Variants in RBM45 observed in about 807,000 individuals in gnomAD.
The protein encoded by RBM45 is RNA binding motif protein 45, also known as RNA-binding protein 45.
RBM45 carries 39 observed loss-of-function variants against 58.5 expected under a neutral mutation model. The observed-to-expected ratio is 0.67, with a 90% CI of 0.52 to 0.87. The LOEUF (loss-of-function observed/expected upper bound fraction) is 0.87. RBM45 is among the 40% of genes least tolerant of loss of function. The pLI is 0.00. For missense variants in RBM45, 481 were observed against 581.6 expected (o/e 0.83, Z 1.78); for synonymous variants, 193 against 203.0 (o/e 0.95, Z 0.42).
chr2:178,125,117 G>T (rs528090645), intron 8 of RBM45, among the ~76,000 whole-genome samples: 1 of 152,058 alleles, frequency 6.6e-6, no homozygotes, highest in African/African-American at 2.4e-5. Context: ...AGTATATTGA[G>T]GCTCAAAAGG....
chr2:178,128,022 T>A (rs890522711), intron 9 of RBM45, among the ~76,000 whole-genome samples: 46 of 144,084 alleles, frequency 3.2e-4, no homozygotes, highest in African/African-American at 1.1e-3. Flanking sequence ...TTTTTTTTTT[T>A]AAACACAGAA....
intron 1 of RBM45, among the ~76,000 whole-genome samples, chr2:178,113,158 A>G (rs911801281): frequency 1.3e-5 from 2 of 152,110 alleles, no homozygotes; most frequent in African/African-American, 4.8e-5. Context: ...CTAATCCACC[A>G]GCTCTTGAGT....
Position 178,118,544 on chromosome 2 carries a change from T to G in RBM45, c.550+363T>G, listed in dbSNP as rs139941239. Among the ~76,000 whole-genome samples the G allele has an allele frequency of 1.1e-3, 166 of 152,228 alleles. 1 individual carries two copies. The East Asian group carries it at 0.031, about 29-fold the overall frequency. On this transcript the variant is annotated intron_variant, in intron 3 of 9. Transcript: ENST00000286070. ...ATTCTTTATATTTGTTTATATTTGA[T>G]CTACATCCCAAAGACTATAAAGTAT...
Position 178,112,496 on chromosome 2 carries a change from G to A in RBM45, c.-51G>A. 6.5e-7 allele frequency: 1 copy of A among 1,528,772 alleles called. No homozygotes were observed. 94.7% of individuals were successfully genotyped at this position (1,528,772 alleles called of 1,614,324 possible). On this transcript the variant is annotated 5_prime_UTR_variant, in exon 1 of 10. Coordinates refer to ENST00000286070, the MANE Select transcript of RBM45 (RefSeq NM_152945.4). The stretch of plus-strand genomic sequence containing the variant: ...TGGGTGTGAGACAGCAGCGGTGGCA[G>A]ACACCGCAGAAGCAAAGAGCAGTGA...
Position 178,112,440 on chromosome 2 carries a change from C to T in RBM45, c.-107C>T. 8.8e-7 allele frequency: 1 copy of T among 1,133,456 alleles called. No individual in the cohort carries two copies. The highest frequency in any genetic ancestry group is 1.3e-6 in the Non-Finnish European group (1 of 789,960). The allele number at this position is 1,133,456 out of a possible 1,614,324, so 70.2% of individuals were successfully genotyped here. ...GCCTGGCGCCGGACTCCTCTTTCTC[C>T]CGGAAGCGGAGCACCGAGCCGGCAA... On this transcript the variant is annotated 5_prime_UTR_variant, in exon 1 of 10. Transcript: ENST00000286070.
downstream of RBM45, among the ~76,000 whole-genome samples, chr2:178,134,120 T>C (rs1487521786): frequency 6.6e-6 from 1 of 152,192 alleles, no homozygotes; most frequent in Non-Finnish European, 1.5e-5. Context: ...CTGTCATATA[T>C]GAATTGAAGA....
chr2:178,114,743 G>A (rs1035109184), intron 1 of RBM45, among the ~76,000 whole-genome samples: 1 of 151,966 alleles, frequency 6.6e-6, no homozygotes, highest in African/African-American at 2.4e-5. Flanking sequence ...CTACAGATGT[G>A]CACCACCATG....
intron 9 of RBM45, among the ~76,000 whole-genome samples, chr2:178,126,559 G>A (rs186641831): frequency 2.0e-5 from 3 of 152,238 alleles, no homozygotes; most frequent in Admixed American, 1.3e-4. Context: ...GGTGTCTTGA[G>A]TTATGAATTG....
intron 1 of RBM45, among the ~76,000 whole-genome samples, chr2:178,115,963 G>A (rs1209069622): frequency 6.6e-6 from 1 of 151,830 alleles, no homozygotes; most frequent in Non-Finnish European, 1.5e-5. Context: ...GACCATCCTG[G>A]ACAACATAGC....
Position 178,112,783 on chromosome 2 carries a change from C to T in RBM45, c.237C>T (p.Ala79=). The T allele has an allele frequency of 6.2e-7, 1 of 1,613,994 alleles. No individual in the cohort carries two copies. Among genetic ancestry groups the T allele is most frequent in the Non-Finnish European group, 8.5e-7 (1 of 1,180,022 alleles). The part of the protein sequence containing the change: ...AFVKFARSSQ[A]CRAMEEMHGQ... Reference sequence around the variant, plus strand: ...TCAAGTTCGCCCGCAGCTCACAGGCCTGCAGGGCCATGGAGGAGATGCATG... The same window carrying T: ...TCAAGTTCGCCCGCAGCTCACAGGCTTGCAGGGCCATGGAGGAGATGCATG... Residue 79 remains alanine (A), a synonymous_variant, in exon 1 of 10, where the codon GCC becomes GCT. Coordinates refer to ENST00000286070, the MANE Select transcript of RBM45 (RefSeq NM_152945.4).
At chr2:178,137,438 GTAT>G (rs2088053910) in exon 4 of RBM45, 1 of 152,136 alleles carries the variant, frequency 6.6e-6, no homozygotes, top group African/African-American at 2.4e-5. Flanking sequence ...AACATTCTTG[GTAT>G]TATTCATAGT....
Position 178,120,160 on chromosome 2 carries a change from A to T in RBM45, c.551-127A>T, listed in dbSNP as rs1049867717. The T allele has an allele frequency of 1.5e-5, 17 of 1,125,884 alleles. No individual in the cohort carries two copies. In the African/African-American group the frequency reaches 2.5e-4, roughly 17 times the overall value. 69.7% of individuals were successfully genotyped at this position (1,125,884 alleles called of 1,614,324 possible). On this transcript the variant is annotated intron_variant, in intron 3 of 9. Coordinates refer to ENST00000286070, the MANE Select transcript of RBM45 (RefSeq NM_152945.4). ...AAGCAAAGAAGTAGGTCTGGAGGAG[A>T]TGGCCATTGTATAGATTTTGCTTTG... is the stretch of plus-strand genomic sequence containing the variant.
At chr2:178,131,941 G>A (rs906271059), downstream of RBM45, among the ~76,000 whole-genome samples, 1 of 152,094 alleles carries the variant, frequency 6.6e-6, no homozygotes, top group African/African-American at 2.4e-5. Flanking sequence ...TCACCTTAAT[G>A]TTTACTTCTC....
intron 7 of RBM45, 83 bp downstream of exon 7, chr2:178,123,995 T>C: frequency 1.3e-6 from 2 of 1,500,840 alleles, no homozygotes; most frequent in South Asian, 1.2e-5. Flanking sequence ...TTGTTGATTA[T>C]CTGTGTATGA....
chr2:178,114,506 A>G (rs2087746305), intron 1 of RBM45, among the ~76,000 whole-genome samples: 1 of 152,108 alleles, frequency 6.6e-6, no homozygotes, highest in African/African-American at 2.4e-5. Flanking sequence ...AAACTTTACT[A>G]TTTTCTTTGT....
In RBM45 at chr2:178,118,035, A is replaced by G. The variant is rs1574409132; in HGVS notation, c.424-20A>G. Reference sequence around the variant, plus strand: ...AATTAATTTTAAGTCCCCTAAAATCATGTCTTTTAACTCTCTTAGGTGTAT... The same window carrying G: ...AATTAATTTTAAGTCCCCTAAAATCGTGTCTTTTAACTCTCTTAGGTGTAT... On this transcript the variant is annotated intron_variant, in intron 2 of 9. Coordinates refer to ENST00000286070, the MANE Select transcript of RBM45 (RefSeq NM_152945.4). The G allele has an allele frequency of 1.3e-6, 2 of 1,531,744 alleles. No individual in the cohort carries two copies. The highest frequency in any genetic ancestry group is 2.3e-5 in the East Asian group (1 of 44,128). The allele number at this position is 1,531,744 out of a possible 1,614,324, so 94.9% of individuals were successfully genotyped here. A position where few individuals can be genotyped will look rare whatever the true frequency, so the allele number is the denominator to read the frequency against.
At chr2:178,113,883 A>G (rs953156008) in intron 1 of RBM45, among the ~76,000 whole-genome samples, 5 of 152,212 alleles carry the variant, frequency 3.3e-5, no homozygotes, top group Non-Finnish European at 2.9e-5. Context: ...TGAGAATGGT[A>G]TTAATATGGA....
At position 178,112,479 on chromosome 2, in the gene RBM45, A is replaced by C; in HGVS notation, c.-68A>C. 7.0e-7 allele frequency: 1 copy of C among 1,436,990 alleles called. No homozygotes were observed. The highest frequency in any genetic ancestry group is 9.6e-7 in the Non-Finnish European group (1 of 1,041,088). 89.0% of individuals were successfully genotyped at this position (1,436,990 alleles called of 1,614,324 possible). A position where few individuals can be genotyped will look rare whatever the true frequency, so the allele number is the denominator to read the frequency against. On this transcript the variant is annotated 5_prime_UTR_variant, in exon 1 of 10. Transcript: ENST00000286070. ...CCGAGCCGGCAAAGGCTTGGGTGTG[A>C]GACAGCAGCGGTGGCAGACACCGCA...
At chr2:178,115,435 A>G (rs898583229) in intron 1 of RBM45, among the ~76,000 whole-genome samples, 6 of 151,516 alleles carry the variant, frequency 4.0e-5, no homozygotes, top group African/African-American at 1.5e-4. Context: ...CCTATTTACC[A>G]TTTATTACTG....
Sources: gnomAD v4.1 joint callset for allele counts (sites outside exome capture counted in the v4.1 genomes callset) on GRCh38, gnomAD v4.1.1 for gene constraint, MANE v1.5 for transcripts, NCBI Gene and HGNC (gene_info 2026-07-23, HGNC 2026-07-21) for gene names.